UGT1A9: variants seen among roughly 807,000 people sequenced by gnomAD.
The protein encoded by UGT1A9 is UDP glucuronosyltransferase family 1 member A9, also known as UDP-glucuronosyltransferase 1A9.
UGT1A9 carries 35 observed loss-of-function variants against 45.0 expected under a neutral mutation model. That is an observed-to-expected ratio of 0.78 (90% CI 0.59 to 1.03). The LOEUF is 1.03. Ranked by LOEUF, UGT1A9 falls within the 50% of genes least tolerant of loss-of-function variation. The pLI, the probability that UGT1A9 is intolerant of heterozygous loss-of-function variation, is 0.00. For synonymous variants in UGT1A9, 278 were observed against 250.6 expected (o/e 1.11, Z -1.03); for missense variants, 687 against 666.6 (o/e 1.03, Z -0.34).
chr2:233,672,573 C>T lies in UGT1A9; in HGVS notation c.639C>T (p.His213=), dbSNP rs777793940. ...AGAGAGTACGGAACCACATCATGCA[C>T]TTGGAGGAACATTTATTATGCCACC... ...FKERVRNHIM[H]LEEHLLCHRF... The change falls in exon 1 of 5, where the codon CAC becomes CAT. Residue 213 remains histidine (H), a synonymous_variant. Coordinates refer to ENST00000354728, the MANE Select transcript of UGT1A9 (RefSeq NM_021027.3). 5.6e-6 allele frequency: 9 copies of T among 1,613,944 alleles called. No individual in the cohort carries two copies. In the South Asian group the frequency reaches 9.9e-5, roughly 18 times the overall value.
chr2:233,724,154 G>C (rs1327662182), intron 1 of UGT1A9, among the ~76,000 whole-genome samples: 4 of 77,640 alleles, frequency 5.2e-5, no homozygotes, highest in African/African-American at 1.4e-4. Flanking sequence ...CTGGCCGGGT[G>C]GGGGGGCTGA....
chr2:233,742,128 C>T (rs1691880797), intron 1 of UGT1A9, among the ~76,000 whole-genome samples: 1 of 151,756 alleles, frequency 6.6e-6, no homozygotes, highest in Admixed American at 6.5e-5. Flanking sequence ...TCGTGGAGAC[C>T]CTAACCCAGC....
At chr2:233,697,498 TTATC>T (rs2075395105) in intron 1 of UGT1A9, among the ~76,000 whole-genome samples, 1 of 151,666 alleles carries the variant, frequency 6.6e-6, no homozygotes, top group African/African-American at 2.4e-5. Flanking sequence ...CCAATTTTGT[TTATC>T]TTTTTTTTTT....
At chr2:233,743,832 T>C in intron 1 of UGT1A9, 4 of 1,367,252 alleles carry the variant, frequency 2.9e-6, no homozygotes, top group South Asian at 2.3e-5. Context: ...GGGTGCCACT[T>C]GAGCGCCAGC....
At chr2:233,719,146 G>A in intron 1 of UGT1A9, 2 of 1,614,266 alleles carry the variant, frequency 1.2e-6, no homozygotes, top group Non-Finnish European at 1.7e-6. Context: ...CTTCTGAAGA[G>A]ATATTCTAGA....
At chr2:233,750,188 A>G (rs1694384114) in intron 1 of UGT1A9, among the ~76,000 whole-genome samples, 1 of 151,886 alleles carries the variant, frequency 6.6e-6, no homozygotes, top group Non-Finnish European at 1.5e-5. Context: ...AATGTTGTGG[A>G]CAATGAAGTC....
intron 1 of UGT1A9, among the ~76,000 whole-genome samples, chr2:233,753,821 G>A (rs1406442938): frequency 6.6e-6 from 1 of 152,104 alleles, no homozygotes; most frequent in African/African-American, 2.4e-5. Flanking sequence ...ACCACGTTAG[G>A]GCTGAAGACA....
At chr2:233,684,516 TTA>T (rs1263141696) in intron 1 of UGT1A9, among the ~76,000 whole-genome samples, 1 of 152,180 alleles carries the variant, frequency 6.6e-6, no homozygotes, top group Non-Finnish European at 1.5e-5. Context: ...GATGTAGAAA[TTA>T]TATATGATTC....
chr2:233,718,699 T>C (rs1301211854), intron 1 of UGT1A9: 6 of 1,598,044 alleles, frequency 3.8e-6, no homozygotes, highest in South Asian at 1.1e-5. Context: ...GGAGGGCACT[T>C]TGTCTTCCAA....
intron 1 of UGT1A9, chr2:233,738,901 C>A (rs1400656739): frequency 1.3e-5 from 2 of 152,162 alleles, no homozygotes; most frequent in Non-Finnish European, 2.9e-5. Context: ...TGCAGCAGAC[C>A]CTCCCATCAC....
intron 1 of UGT1A9, chr2:233,742,922 C>G (rs1038154831): frequency 2.7e-5 from 5 of 188,274 alleles, no homozygotes; most frequent in African/African-American, 1.2e-4. Context: ...AAGTGCTGAA[C>G]TGAACATTCT....
At chr2:233,712,194 G>A (rs796216388) in intron 1 of UGT1A9, among the ~76,000 whole-genome samples, 8 of 152,168 alleles carry the variant, frequency 5.3e-5, no homozygotes, top group African/African-American at 1.2e-4. Context: ...CAGCTCCCCC[G>A]GTCCCTTGGT....
At chr2:233,701,225 G>A (rs1395250267) in intron 1 of UGT1A9, among the ~76,000 whole-genome samples, 2 of 152,092 alleles carry the variant, frequency 1.3e-5, no homozygotes, top group Non-Finnish European at 2.9e-5. Flanking sequence ...AATCCTTTGG[G>A]TATATACCCA....
At chr2:233,746,785 G>A (rs999624443) in intron 1 of UGT1A9, among the ~76,000 whole-genome samples, 5 of 151,822 alleles carry the variant, frequency 3.3e-5, no homozygotes, top group Non-Finnish European at 2.9e-5. Flanking sequence ...GTTTTCTGTT[G>A]TAATTCATGA....
At chr2:233,711,829 G>A (rs1274082767) in intron 1 of UGT1A9, among the ~76,000 whole-genome samples, 2 of 152,240 alleles carry the variant, frequency 1.3e-5, no homozygotes, top group African/African-American at 4.8e-5. Context: ...ACCAGGACAA[G>A]GAGGCGTCAG....
intron 1 of UGT1A9, among the ~76,000 whole-genome samples, chr2:233,680,089 CAG>C (rs1235931914): frequency 2.5e-4 from 38 of 152,026 alleles, no homozygotes; most frequent in Non-Finnish European, 5.0e-4. Context: ...TTTGAAATGG[CAG>C]GCAATCATAG....
chr2:233,760,196 A>G, intron 1 of UGT1A9: 1 of 1,576,328 alleles, frequency 6.3e-7, no homozygotes, highest in Middle Eastern at 2.3e-4. Flanking sequence ...CACGTGACAC[A>G]GTCAAACATT....
At chr2:233,750,199 CA>C (rs1448966489) in intron 1 of UGT1A9, among the ~76,000 whole-genome samples, 1 of 151,826 alleles carries the variant, frequency 6.6e-6, no homozygotes, top group Non-Finnish European at 1.5e-5. Flanking sequence ...CAATGAAGTC[CA>C]GGCTGAGTCT....
intron 1 of UGT1A9, chr2:233,761,045 T>A (rs1315871466): frequency 1.9e-6 from 3 of 1,614,220 alleles, no homozygotes; most frequent in Non-Finnish European, 1.7e-6. Flanking sequence ...TCTGCATCTG[T>A]CTGGCTGTTT....
Sources: gnomAD v4.1 joint callset for allele counts (sites outside exome capture counted in the v4.1 genomes callset) on GRCh38, gnomAD v4.1.1 for gene constraint, MANE v1.5 for transcripts, NCBI Gene and HGNC (gene_info 2026-07-23, HGNC 2026-07-21) for gene names.